IGDCC4: variants seen among roughly 807,000 people sequenced by gnomAD.
IGDCC4 encodes likely ortholog of mouse neighbor of Punc E11.
A neutral mutation model predicts 116.6 loss-of-function variants in IGDCC4; 72 were observed. The observed-to-expected ratio is 0.62, with a 90% CI of 0.51 to 0.75. IGDCC4 has a LOEUF of 0.75. Among genes scored for constraint, IGDCC4 ranks in the 30% least tolerant of loss-of-function variants. The pLI is 0.00. For synonymous variants in IGDCC4, 709 were observed against 719.9 expected (o/e 0.98, Z 0.24); for missense variants, 1,501 against 1,662.4 (o/e 0.90, Z 1.69).
intron 5 of IGDCC4, among the ~76,000 whole-genome samples, chr15:65,399,447 C>CAAAA (rs112040935): frequency 2.1e-4 from 15 of 71,162 alleles, no homozygotes; most frequent in South Asian, 6.0e-4. Context: ...GGGTGACAGG[C>CAAAA]AAAAAAAAAA....
chr15:65,386,065 A>C lies in IGDCC4; in HGVS notation c.2952-6T>G, dbSNP rs768079702. ...ACAGGCCTGGGAGGGATTCCCTGGAAGGGAAGACGGAAAACAAGGCATAGC... is the reference window on the plus strand; with the variant it reads ...ACAGGCCTGGGAGGGATTCCCTGGACGGGAAGACGGAAAACAAGGCATAGC... On this transcript the variant is annotated splice_polypyrimidine_tract_variant and splice_region_variant and intron_variant, in intron 17 of 19. Transcript: ENST00000352385. The C allele has an allele frequency of 5.4e-6, 8 of 1,485,642 alleles. No homozygotes were observed. The East Asian group carries it at 2.0e-4, about 36-fold the overall frequency. 92.0% of individuals were successfully genotyped at this position (1,485,642 alleles called of 1,614,324 possible).
chr15:65,388,502 G>T lies in IGDCC4; in HGVS notation c.2792C>A (p.Pro931His). The change falls in exon 16 of 20, where the codon CCT (proline) becomes CAT (histidine). Residue 931 changes from proline to histidine, a missense_variant. Coordinates refer to ENST00000352385, the MANE Select transcript of IGDCC4 (RefSeq NM_020962.3). ...ATCCTGCAGGCGGGAGAAAGGCCCA[G>T]GTCCCACCTCTGTGCGCGCCCCCAT... is the stretch of plus-strand genomic sequence containing the variant. ...FKMGARTEVG[P>H]GPFSRLQDVI... 6.2e-7 allele frequency: 1 copy of T among 1,614,140 alleles called. No individual in the cohort carries two copies. Among genetic ancestry groups the T allele is most frequent in the South Asian group, 1.1e-5 (1 of 91,090 alleles).
intron 3 of IGDCC4, among the ~76,000 whole-genome samples, chr15:65,405,642 CA>C (rs2063034077): frequency 7.2e-5 from 11 of 152,194 alleles, no homozygotes; most frequent in Non-Finnish European, 1.6e-4. Flanking sequence ...CACATGTTTA[CA>C]ATGGTGTAAC....
At position 65,385,845 on chromosome 15, in the gene IGDCC4, G is replaced by A. The variant is rs981025638; in HGVS notation, c.3166C>T (p.His1056Tyr). Residue 1056 changes from histidine to tyrosine, a missense_variant, in exon 18 of 20, where the codon CAC (histidine) becomes TAC (tyrosine). Physicochemically the swap from His to Tyr is moderately conservative, Grantham distance 83. Transcript: ENST00000352385. ...MGGGVSEGRS[H>Y]SKRKISWAQP... ...CTCTGACTTACCTTTCTTTTGGAGT[G>A]ACTCCGGCCTTCAGAAACACCGCCA... 3 of 1,612,200 alleles carry A rather than the reference G, an allele frequency of 1.9e-6. No individual in the cohort carries two copies. The highest frequency in any genetic ancestry group is 2.5e-6 in the Non-Finnish European group (3 of 1,179,778).
rs11855428 is a variant in IGDCC4 at position 65,390,383 on chromosome 15, C to T, written c.2225-45G>A. 6.4e-3 allele frequency: 9,605 copies of T among 1,491,232 alleles called. 529 individuals are homozygous for T. The African/African-American group carries it at 0.12, about 18-fold the overall frequency. 92.4% of individuals were successfully genotyped at this position (1,491,232 alleles called of 1,614,324 possible). ...GTGTGAGGAAGGGAGGGAGGATACT[C>T]ATCCTTAAATATGTATAGTGGTTTA... On this transcript the variant is annotated intron_variant, in intron 12 of 19. Transcript: ENST00000352385.
chr15:65,382,502 A>G lies in IGDCC4; in HGVS notation c.*1507T>C, dbSNP rs1425480812. On this transcript the variant is annotated 3_prime_UTR_variant, in exon 20 of 20. Transcript: ENST00000352385. ...CTTGATGTGCCAATCAGACATCATTAGGGAGTAAAGACCCTAACATTCTAT... is the reference window on the plus strand; with the variant it reads ...CTTGATGTGCCAATCAGACATCATTGGGGAGTAAAGACCCTAACATTCTAT... The G allele has an allele frequency of 6.6e-6, 1 of 152,490 alleles. No homozygotes were observed. The highest frequency in any genetic ancestry group is 1.5e-5 in the Non-Finnish European group (1 of 68,030). The allele number at this position is 152,490 out of a possible 1,614,324, so 9.4% of individuals were successfully genotyped here.
At chr15:65,417,302 G>A (rs1310601673) in intron 1 of IGDCC4, among the ~76,000 whole-genome samples, 2 of 152,056 alleles carry the variant, frequency 1.3e-5, no homozygotes, top group Non-Finnish European at 2.9e-5. Flanking sequence ...GGGACACAAG[G>A]AAGGCCTCAG....
Position 65,422,039 on chromosome 15 carries a change from G to T in IGDCC4, c.70+754C>A, listed in dbSNP as rs577440345. Among the ~76,000 whole-genome samples, 16 of 152,186 alleles carry T rather than the reference G, an allele frequency of 1.1e-4. No homozygotes were observed. The South Asian group carries it at 3.3e-3, about 32-fold the overall frequency. ...TCGGTCCCTGGGGGGTGGGGCCGGG[G>T]TGACACGCGTCCCATCGTGAGAACA... On this transcript the variant is annotated intron_variant, in intron 1 of 19. Transcript: ENST00000352385.
rs372708241 is a variant in IGDCC4 at position 65,390,194 on chromosome 15, C to A, written c.2369G>T (p.Trp790Leu). ...GACCAGGGAGGCATTCCTGAGCCCCCAGGGGCTGAAGCGCACAGTGTAGTT... is the reference window on the plus strand; with the variant it reads ...GACCAGGGAGGCATTCCTGAGCCCCAAGGGGCTGAAGCGCACAGTGTAGTT... ...IVNYTVRFSP[W>L]GLRNASLVTY... Residue 790 changes from tryptophan (W) to leucine (L), a missense_variant, in exon 13 of 20, where the codon TGG (tryptophan) becomes TTG (leucine). Coordinates refer to ENST00000352385, the MANE Select transcript of IGDCC4 (RefSeq NM_020962.3). The A allele has an allele frequency of 2.5e-6, 4 of 1,604,180 alleles. No individual in the cohort carries two copies. Among genetic ancestry groups the A allele is most frequent in the Admixed American group, 3.3e-5 (2 of 59,896 alleles).
intron 4 of IGDCC4, 41 bp from the exon 5 acceptor site, chr15:65,400,987 C>G (rs1223754767): frequency 1.9e-6 from 3 of 1,612,936 alleles, no homozygotes; most frequent in East Asian, 2.2e-5. Flanking sequence ...TACCATTAGG[C>G]ATTTGCCATG....
chr15:65,409,759 T>C (rs953967881), intron 3 of IGDCC4, among the ~76,000 whole-genome samples: 5 of 152,034 alleles, frequency 3.3e-5, no homozygotes, highest in African/African-American at 1.2e-4. Flanking sequence ...GCATCTAGAG[T>C]GGAAACTCCG....
intron 5 of IGDCC4, among the ~76,000 whole-genome samples, chr15:65,399,669 G>C (rs1483367778): frequency 2.0e-5 from 3 of 152,158 alleles, no homozygotes; most frequent in African/African-American, 4.8e-5. Context: ...CAATGAGGCA[G>C]TGCAGGTCAG....
chr15:65,405,994 C>G (rs78522536), intron 3 of IGDCC4, among the ~76,000 whole-genome samples: 48 of 152,310 alleles, frequency 3.2e-4, no homozygotes, highest in African/African-American at 1.1e-3. Flanking sequence ...TTGAGATCCA[C>G]CCAGGGCAAG....
chr15:65,386,432 C>T, intron 17 of IGDCC4, 119 bp downstream of exon 17: 7 of 859,886 alleles, frequency 8.1e-6, no homozygotes, highest in Middle Eastern at 5.8e-4. Flanking sequence ...AGAGTCCTGA[C>T]TTTAACGGGG....
In IGDCC4 at chr15:65,396,929, T is replaced by C. The variant is rs12442757; in HGVS notation, c.902A>G (p.Asn301Ser). Residue 301 changes from asparagine to serine, a missense_variant, in exon 6 of 20, where the codon AAC becomes AGC. Around this residue, in one of 3 missense-constraint regions of IGDCC4, gnomAD observed 898 missense variants for 978.9 expected, o/e 0.92. Coordinates refer to ENST00000352385, the MANE Select transcript of IGDCC4 (RefSeq NM_020962.3). ...GACGCCGGAGTGCCAGGGCTGCGCG[T>C]TGGCAATTAGTAGGTTGGTGCGGCC... is the stretch of plus-strand genomic sequence containing the variant. ...VLGRTNLLIA[N>S]AQPWHSGVYV... is the part of the protein sequence containing the mutation. 297,225 of 1,574,570 alleles carry C rather than the reference T, an allele frequency of 0.19. 29,257 individuals carry two copies. Among genetic ancestry groups the C allele is most frequent in the Admixed American group, 0.32 (17,515 of 54,026 alleles).
chr15:65,422,442 C>A (rs1006873112), intron 1 of IGDCC4, among the ~76,000 whole-genome samples: 1 of 151,372 alleles, frequency 6.6e-6, no homozygotes, highest in Non-Finnish European at 1.5e-5. Flanking sequence ...CGAAAGCCAC[C>A]GACACCGCAG....
chr15:65,395,635 C>T (rs2062916050), intron 7 of IGDCC4, 115 bp downstream of exon 7: 4 of 1,179,264 alleles, frequency 3.4e-6, no homozygotes, highest in South Asian at 1.9e-5. Flanking sequence ...CTACCCCAGT[C>T]CATCCTTGCC....
chr15:65,396,106 G>C lies in IGDCC4; in HGVS notation c.1055C>G (p.Ala352Gly). The change falls in exon 7 of 20, where the codon GCG (alanine) becomes GGG (glycine). Residue 352 changes from alanine to glycine, a missense_variant. Ala to Gly is a moderately conservative substitution (Grantham distance 60, BLOSUM62 0). Coordinates refer to ENST00000352385, the MANE Select transcript of IGDCC4 (RefSeq NM_020962.3). ...EALSRTRAST[A>G]RFVCRASGEP... ...CCCCGACGCGCGGCACACGAAGCGCGCTGTGCTCGCCCGCGTCCGCGACAG... is the reference window on the plus strand; with the variant it reads ...CCCCGACGCGCGGCACACGAAGCGCCCTGTGCTCGCCCGCGTCCGCGACAG... 7.0e-7 allele frequency: 1 copy of C among 1,420,224 alleles called. No individual in the cohort carries two copies. The highest frequency in any genetic ancestry group is 9.1e-7 in the Non-Finnish European group (1 of 1,095,164). 88.0% of individuals were successfully genotyped at this position (1,420,224 alleles called of 1,614,324 possible). A position where few individuals can be genotyped will look rare whatever the true frequency, so the allele number is the denominator to read the frequency against.
Position 65,390,356 on chromosome 15 carries a change from G to C in IGDCC4, c.2225-18C>G. The C allele has an allele frequency of 6.4e-7, 1 of 1,563,912 alleles. No individual in the cohort carries two copies. The highest frequency in any genetic ancestry group is 8.7e-7 in the Non-Finnish European group (1 of 1,143,818). On this transcript the variant is annotated intron_variant, in intron 12 of 19. Transcript: ENST00000352385. Reference sequence around the variant, plus strand: ...AGGCATGTCTGAAAGGTGAAAACTAGAGTGTGAGGAAGGGAGGGAGGATAC... The same window carrying C: ...AGGCATGTCTGAAAGGTGAAAACTACAGTGTGAGGAAGGGAGGGAGGATAC...
Sources: allele counts gnomAD v4.1 joint callset (sites outside exome capture counted in the v4.1 genomes callset), GRCh38; gene constraint gnomAD v4.1.1; regional missense constraint gnomAD v4.1.1; transcripts MANE v1.5; gene names NCBI Gene and HGNC (gene_info 2026-07-23, HGNC 2026-07-21).